The following ZNF208 variants were observed in gnomAD, a reference collection of about 807,000 sequenced individuals.
ZNF208 encodes zinc finger protein 208.
Under a neutral mutation model 12.1 loss-of-function variants are expected in ZNF208, and 10 were observed. The observed-to-expected ratio is 0.83, with a 90% CI of 0.51 to 1.40. The LOEUF (loss-of-function observed/expected upper bound fraction) is 1.40. Ranked by LOEUF, ZNF208 falls within the 40% of genes most tolerant of loss-of-function variation. ZNF208 has a pLI of 0.00. For synonymous variants in ZNF208, 497 were observed against 488.4 expected (o/e 1.02, Z -0.23); for missense variants, 1,652 against 1,485.0 (o/e 1.11, Z -1.85).
intron 4 of ZNF208, among the ~76,000 whole-genome samples, chr19:21,942,651 TTTTC>T (rs1413367432): frequency 1.3e-5 from 2 of 152,158 alleles, no homozygotes; most frequent in Non-Finnish European, 2.9e-5. Flanking sequence ...TCTTTCTTTC[TTTTC>T]TTTCTTTTTT....
At chr19:21,961,996 A>G (rs761329016), downstream of ZNF208, among the ~76,000 whole-genome samples, 5 of 152,194 alleles carry the variant, frequency 3.3e-5, no homozygotes, top group Non-Finnish European at 5.9e-5. Context: ...TTAAGAGATT[A>G]AAGTAAGACA....
intron 3 of ZNF208, among the ~76,000 whole-genome samples, chr19:21,976,789 G>C (rs1970438963): frequency 6.6e-6 from 1 of 152,092 alleles, no homozygotes; most frequent in Non-Finnish European, 1.5e-5. Flanking sequence ...TTGAGCTCCT[G>C]ACCTCAGGTG....
chr19:22,001,786 A>G (rs1409656527), intron 1 of ZNF208, among the ~76,000 whole-genome samples: 1 of 149,678 alleles, frequency 6.7e-6, no homozygotes, highest in Non-Finnish European at 1.5e-5. Context: ...CCAGCTACTC[A>G]AGAGGCTGAG....
chr19:22,010,537 G>A (rs1055031054), intron 1 of ZNF208, among the ~76,000 whole-genome samples: 6 of 152,210 alleles, frequency 3.9e-5, no homozygotes, highest in African/African-American at 1.2e-4. Context: ...TCCGCGCTGC[G>A]GGTGCAGAGC....
At chr19:21,990,283 G>C (rs1304155210) in intron 1 of ZNF208, among the ~76,000 whole-genome samples, 1 of 152,126 alleles carries the variant, frequency 6.6e-6, no homozygotes, top group Non-Finnish European at 1.5e-5. Context: ...AAGGGATCCA[G>C]TTTCAGCTTT....
chr19:21,948,083 C>G (rs144201655), intron 4 of ZNF208, among the ~76,000 whole-genome samples: 1 of 152,020 alleles, frequency 6.6e-6, no homozygotes, highest in Admixed American at 6.6e-5. Flanking sequence ...TTTCTCTTTC[C>G]GCCACACCAA....
At chr19:21,949,391 G>A (rs759415021) in intron 4 of ZNF208, among the ~76,000 whole-genome samples, 1 of 152,112 alleles carries the variant, frequency 6.6e-6, no homozygotes, top group Non-Finnish European at 1.5e-5. Context: ...CTAGTCAGAA[G>A]ATACAAGAAC....
chr19:21,971,013 C>T lies in ZNF208; in HGVS notation c.*178G>A, dbSNP rs557160945. Among the ~76,000 whole-genome samples the T allele has an allele frequency of 7.9e-5, 12 of 151,940 alleles. No homozygotes were observed. The highest frequency in any genetic ancestry group is 7.9e-4 in the Admixed American group (12 of 15,250). On this transcript the variant is annotated 3_prime_UTR_variant, in exon 4 of 4. Coordinates refer to ENST00000397126, the MANE Select transcript of ZNF208 (RefSeq NM_007153.3). Reference sequence around the variant, plus strand: ...AACATACTAAAGCCTTTACCACATTCTTCACATTTGTAGGGTGTCTCTCCA... The same window carrying T: ...AACATACTAAAGCCTTTACCACATTTTTCACATTTGTAGGGTGTCTCTCCA...
rs1970164914 is a variant in ZNF208, at chr19:21,966,267, T to C, written c.*4924A>G. The C allele has an allele frequency of 6.6e-6, 1 of 152,088 alleles. No individual in the cohort carries two copies. Among genetic ancestry groups the C allele is most frequent in the Admixed American group, 6.6e-5 (1 of 15,236 alleles). The allele number at this position is 152,088 out of a possible 1,614,324, so 9.4% of individuals were successfully genotyped here. A position where few individuals can be genotyped will look rare whatever the true frequency, so the allele number is the denominator to read the frequency against. On this transcript the variant is annotated 3_prime_UTR_variant, in exon 4 of 4. Transcript: ENST00000397126. ...TATGCTTGTCTCCCATCCTTCCTCCTTCTTTTTAGAATTCTCAGTGTTTAT... is the reference window on the plus strand; with the variant it reads ...TATGCTTGTCTCCCATCCTTCCTCCCTCTTTTTAGAATTCTCAGTGTTTAT...
Position 21,973,370 on chromosome 19 carries a change from C to T in ZNF208, c.1664G>A (p.Cys555Tyr), listed in dbSNP as rs1286890922. The part of the protein sequence containing the change: ...VIHTGEKPYK[C>Y]EECGKAYKWS... Reference sequence around the variant, plus strand: ...CTTATAGGCTTTGCCACATTCTTCACATTTGTAGGGTTTCTCTCCAGTATG... The same window carrying T: ...CTTATAGGCTTTGCCACATTCTTCATATTTGTAGGGTTTCTCTCCAGTATG... The change falls in exon 4 of 4, where the codon TGT becomes TAT. Residue 555 changes from cysteine (C) to tyrosine (Y), a missense_variant. Cys to Tyr is a radical substitution (Grantham distance 194). Transcript: ENST00000397126. 2 of 1,611,456 alleles carry T rather than the reference C, an allele frequency of 1.2e-6. No individual in the cohort carries two copies. Among genetic ancestry groups the T allele is most frequent in the East Asian group, 2.2e-5 (1 of 44,804 alleles).
chr19:21,988,772 G>A lies in ZNF208; in HGVS notation c.130+11C>T. ...TGTATACTAGGAATTGCGTATTAAA[G>A]TTATTCTCACCCAGGAAGACCAGGT... On this transcript the variant is annotated intron_variant, in intron 2 of 3. Transcript: ENST00000397126. The A allele has an allele frequency of 6.2e-7, 1 of 1,600,944 alleles. No individual in the cohort carries two copies. The highest frequency in any genetic ancestry group is 8.5e-7 in the Non-Finnish European group (1 of 1,175,224).
chr19:21,983,715 A>T (rs1970585506), intron 3 of ZNF208, among the ~76,000 whole-genome samples: 1 of 152,156 alleles, frequency 6.6e-6, no homozygotes, highest in Non-Finnish European at 1.5e-5. Context: ...ACATGGATGA[A>T]GCTGGAAATC....
rs1970207734 is a variant in ZNF208, at chr19:21,968,260, G to A, written c.*2931C>T. On this transcript the variant is annotated 3_prime_UTR_variant, in exon 4 of 4. Transcript: ENST00000397126. ...AGGATTTCATAACTTCAATAGGACTGTTTAGAATGGATATTCTTATTTTTA... is the reference window on the plus strand; with the variant it reads ...AGGATTTCATAACTTCAATAGGACTATTTAGAATGGATATTCTTATTTTTA... 2 of 152,070 alleles carry A rather than the reference G, an allele frequency of 1.3e-5. No homozygotes were observed. Among genetic ancestry groups the A allele is most frequent in the Admixed American group, 6.6e-5 (1 of 15,252 alleles). 9.4% of individuals were successfully genotyped at this position (152,070 alleles called of 1,614,324 possible). A position where few individuals can be genotyped will look rare whatever the true frequency, so the allele number is the denominator to read the frequency against.
rs780276658 is a variant in ZNF208, at chr19:21,973,413, T to C, written c.1621A>G (p.Thr541Ala). 11 of 1,612,518 alleles carry C rather than the reference T, an allele frequency of 6.8e-6. No individual in the cohort carries two copies. The highest frequency in any genetic ancestry group is 9.3e-6 in the Non-Finnish European group (11 of 1,179,870). The part of the protein sequence containing the change: ...GKSFSTFSIL[T>A]KHKVIHTGEK... ...CCAGTATGAATTACCTTATGTTTAGTAAGGATTGAGAATGTACTGAAGCTT... is the reference window on the plus strand; with the variant it reads ...CCAGTATGAATTACCTTATGTTTAGCAAGGATTGAGAATGTACTGAAGCTT... Residue 541 changes from threonine to alanine, a missense_variant, in exon 4 of 4, where the codon ACT (threonine) becomes GCT (alanine). By Grantham distance (58) the Thr-to-Ala change is moderately conservative (BLOSUM62 0). Around this residue, in one of 3 missense-constraint regions of ZNF208, gnomAD observed 1,239 missense variants for 1,086.2 expected, o/e 1.14. Transcript: ENST00000397126.
At chr19:21,948,139 A>G (rs1371033122) in intron 4 of ZNF208, among the ~76,000 whole-genome samples, 5 of 152,134 alleles carry the variant, frequency 3.3e-5, no homozygotes, top group Non-Finnish European at 7.4e-5. Context: ...CTTTTTCTAG[A>G]TAGGTAACAA....
At chr19:21,997,273 T>A (rs912012263) in intron 1 of ZNF208, among the ~76,000 whole-genome samples, 2 of 152,200 alleles carry the variant, frequency 1.3e-5, no homozygotes, top group Admixed American at 6.5e-5. Flanking sequence ...TCATCCTAAA[T>A]TCACATGGTA....
At chr19:21,979,416 C>T (rs543917152) in intron 3 of ZNF208, among the ~76,000 whole-genome samples, 2 of 152,142 alleles carry the variant, frequency 1.3e-5, no homozygotes, top group Non-Finnish European at 2.9e-5. Flanking sequence ...GACTGGGGGG[C>T]CAATATTCAA....
At chr19:21,997,042 G>A (rs946697196) in intron 1 of ZNF208, among the ~76,000 whole-genome samples, 2 of 152,156 alleles carry the variant, frequency 1.3e-5, no homozygotes, top group Admixed American at 1.3e-4. Flanking sequence ...ATTATGTCTG[G>A]TAATTCTAGA....
At chr19:21,964,961 G>A (rs551105713), downstream of ZNF208, among the ~76,000 whole-genome samples, 12 of 151,918 alleles carry the variant, frequency 7.9e-5, no homozygotes, top group South Asian at 1.0e-3. Flanking sequence ...AAATAAGTAC[G>A]AAAATTTATG....
Sources: allele counts gnomAD v4.1 joint callset (sites outside exome capture counted in the v4.1 genomes callset), GRCh38; gene constraint gnomAD v4.1.1; regional missense constraint gnomAD v4.1.1; transcripts MANE v1.5; gene names NCBI Gene and HGNC (gene_info 2026-07-23, HGNC 2026-07-21).